STAU2: variants seen among roughly 807,000 people sequenced by gnomAD.
The protein encoded by STAU2 is staufen double-stranded RNA binding protein 2, also known as double-stranded RNA-binding protein Staufen homolog 2.
STAU2 carries 20 observed loss-of-function variants against 65.9 expected under a neutral mutation model. The observed-to-expected ratio is 0.30, with a 90% CI of 0.21 to 0.44. STAU2 has a LOEUF of 0.44. STAU2 is among the 20% of genes least tolerant of loss of function. The probability of loss-of-function intolerance (pLI) is 1.00; values close to 1 mark genes in which losing one functional copy is unlikely to be tolerated. For synonymous variants in STAU2, 232 were observed against 233.9 expected (o/e 0.99, Z 0.07); for missense variants, 558 against 683.9 (o/e 0.82, Z 2.05).
chr8:73,457,092 C>T (rs987520997), intron 13 of STAU2, among the ~76,000 whole-genome samples: 32 of 152,274 alleles, frequency 2.1e-4, no homozygotes, highest in Middle Eastern at 3.4e-3. Context: ...TTTTCATAAT[C>T]CTCTCTGGCC....
chr8:73,580,948 C>T (rs1351000921), intron 12 of STAU2, among the ~76,000 whole-genome samples: 2 of 152,224 alleles, frequency 1.3e-5, no homozygotes, highest in Non-Finnish European at 2.9e-5. Context: ...AAAGCATTAA[C>T]CGTCTGGTTA....
chr8:73,486,217 T>A (rs957513348), intron 13 of STAU2, among the ~76,000 whole-genome samples: 7 of 152,088 alleles, frequency 4.6e-5, no homozygotes, highest in Non-Finnish European at 8.8e-5. Flanking sequence ...GGGGCTGCCA[T>A]TAGTAAACAC....
chr8:73,458,679 C>T (rs1819196408), intron 13 of STAU2: 1 of 152,222 alleles, frequency 6.6e-6, no homozygotes, highest in Non-Finnish European at 1.5e-5. Context: ...AAAGTTACCT[C>T]TTGTTACATG....
At chr8:73,460,160 A>G (rs148082675) in intron 13 of STAU2, among the ~76,000 whole-genome samples, 5 of 152,342 alleles carry the variant, frequency 3.3e-5, no homozygotes, top group African/African-American at 1.2e-4. Flanking sequence ...GAGGTACCTG[A>G]CAAGTTATGT....
intron 6 of STAU2, among the ~76,000 whole-genome samples, chr8:73,644,312 G>A (rs1278766875): frequency 6.6e-6 from 1 of 152,118 alleles, no homozygotes; most frequent in East Asian, 1.9e-4. Flanking sequence ...AATTAGCCAG[G>A]TGTGCACCTG....
chr8:73,563,391 C>A (rs1808376720), intron 12 of STAU2, among the ~76,000 whole-genome samples: 2 of 152,138 alleles, frequency 1.3e-5, no homozygotes, highest in African/African-American at 4.8e-5. Flanking sequence ...ACAAGGTCAC[C>A]TCACTATGGT....
chr8:73,447,913 TCC>T (rs1271558907), intron 13 of STAU2, among the ~76,000 whole-genome samples: 1 of 152,032 alleles, frequency 6.6e-6, no homozygotes, highest in Non-Finnish European at 1.5e-5. Flanking sequence ...GGCTAGTCTT[TCC>T]TCTCAAGACA....
chr8:73,602,378 T>C (rs1456121182), intron 10 of STAU2, among the ~76,000 whole-genome samples: 1 of 152,172 alleles, frequency 6.6e-6, no homozygotes, highest in East Asian at 1.9e-4. Context: ...ATCCTTGGAT[T>C]TGACTAAAAA....
chr8:73,540,834 T>TC (rs1806496077), intron 13 of STAU2, among the ~76,000 whole-genome samples: 1 of 152,274 alleles, frequency 6.6e-6, no homozygotes, highest in East Asian at 1.9e-4. Context: ...CTTTTTTTTT[T>TC]CCATCTGTGC....
chr8:73,583,607 G>C (rs1810153105), intron 11 of STAU2, among the ~76,000 whole-genome samples: 1 of 151,556 alleles, frequency 6.6e-6, no homozygotes, highest in Non-Finnish European at 1.5e-5. Context: ...AAGTCCTATG[G>C]TAAGGGTCAC....
intron 13 of STAU2, among the ~76,000 whole-genome samples, chr8:73,430,302 C>T (rs1377822326): frequency 6.6e-6 from 1 of 152,166 alleles, no homozygotes; most frequent in Non-Finnish European, 1.5e-5. Context: ...CTGTGATGTA[C>T]AGATAGCAAC....
chr8:73,550,266 A>T, intron 13 of STAU2: 1 of 985,226 alleles, frequency 1.0e-6, no homozygotes, highest in Non-Finnish European at 1.2e-6. Context: ...TAAGCTTTTT[A>T]AAAAGGCCTT....
chr8:73,687,311 AT>A (rs1818944238), intron 5 of STAU2, among the ~76,000 whole-genome samples: 4 of 116,658 alleles, frequency 3.4e-5, no homozygotes, highest in African/African-American at 6.9e-5. Flanking sequence ...TATAAATATA[AT>A]TTATATTTAT....
At chr8:73,677,706 C>T (rs1034822615) in intron 5 of STAU2, among the ~76,000 whole-genome samples, 2 of 152,158 alleles carry the variant, frequency 1.3e-5, no homozygotes, top group South Asian at 2.1e-4. Flanking sequence ...ACTAGTAAAA[C>T]ATGTGGTGAA....
At chr8:73,740,285 G>A (rs1157486654) in intron 1 of STAU2, among the ~76,000 whole-genome samples, 1 of 152,130 alleles carries the variant, frequency 6.6e-6, no homozygotes, top group Admixed American at 6.5e-5. Flanking sequence ...TTAAATTCTG[G>A]TGCAATGTGC....
intron 13 of STAU2, among the ~76,000 whole-genome samples, chr8:73,445,063 T>C (rs1264195118): frequency 6.6e-6 from 1 of 152,180 alleles, no homozygotes; most frequent in East Asian, 1.9e-4. Context: ...CCCAACCTCA[T>C]GAATAAAAAG....
intron 6 of STAU2, among the ~76,000 whole-genome samples, chr8:73,618,013 A>C (rs1373061921): frequency 6.6e-6 from 1 of 152,226 alleles, no homozygotes; most frequent in Non-Finnish European, 1.5e-5. Context: ...ATGAGGTGTG[A>C]CTAAAAAGCT....
intron 13 of STAU2, among the ~76,000 whole-genome samples, chr8:73,534,009 G>A (rs1366453727): frequency 6.6e-6 from 1 of 152,150 alleles, no homozygotes; most frequent in East Asian, 1.9e-4. Flanking sequence ...CAAAAATGAG[G>A]AGGGTATAAA....
intron 6 of STAU2, among the ~76,000 whole-genome samples, chr8:73,621,872 T>C (rs1429955940): frequency 6.6e-6 from 1 of 152,042 alleles, no homozygotes; most frequent in Non-Finnish European, 1.5e-5. Flanking sequence ...ATGTGGCCCA[T>C]GTGACTTGGC....
Sources: gnomAD v4.1 joint callset for allele counts (sites outside exome capture counted in the v4.1 genomes callset) on GRCh38, gnomAD v4.1.1 for gene constraint, MANE v1.5 for transcripts, NCBI Gene and HGNC (gene_info 2026-07-23, HGNC 2026-07-21) for gene names.